Variants in MDN1 observed in about 807,000 individuals in gnomAD.
MDN1 encodes midasin.
Under a neutral mutation model 669.2 loss-of-function variants are expected in MDN1, and 266 were observed. That is an observed-to-expected ratio of 0.40 (90% CI 0.36 to 0.44). The LOEUF is 0.44. Ranked by LOEUF, MDN1 falls within the 20% of genes least tolerant of loss-of-function variation. MDN1 has a pLI of 1.00. For missense variants in MDN1, 5,940 were observed against 6,754.0 expected, an observed-to-expected ratio of 0.88 and a Z score of 4.22; for synonymous variants, 2,385 against 2,457.1, an observed-to-expected ratio of 0.97 and a Z score of 0.87.
At position 89,688,509 on chromosome 6, in the gene MDN1, G is replaced by T; in HGVS notation, c.11259+64C>A. On this transcript the variant is annotated intron_variant, in intron 66 of 101. Coordinates refer to ENST00000369393, the MANE Select transcript of MDN1 (RefSeq NM_014611.3). ...CAAGTGGGTGCCCCCAGGGATAATG[G>T]TGAGGCTGCATCCTCATTGCAGACT... The T allele has an allele frequency of 2.1e-6, 3 of 1,450,580 alleles. No individual in the cohort carries two copies. In the South Asian group the frequency reaches 3.8e-5, roughly 18 times the overall value. 89.9% of individuals were successfully genotyped at this position (1,450,580 alleles called of 1,614,324 possible).
Position 89,741,962 on chromosome 6 carries a change from G to A in MDN1, c.4448+1188C>T, listed in dbSNP as rs1186642293. On this transcript the variant is annotated intron_variant, in intron 31 of 101. Coordinates refer to ENST00000369393, the MANE Select transcript of MDN1 (RefSeq NM_014611.3). ...CTAAAAATACAAAAATTAGCTGGGA[G>A]TGGTGACACATGCCTGTAGTCCCAG... Among the ~76,000 whole-genome samples, 3 of 151,704 alleles carry A rather than the reference G, an allele frequency of 2.0e-5. No individual in the cohort carries two copies. In the East Asian group the frequency reaches 5.9e-4, roughly 30 times the overall value.
intron 66 of MDN1, 145 bp from the exon 67 acceptor site, chr6:89,688,318 G>A: frequency 3.8e-6 from 3 of 781,420 alleles, no homozygotes; most frequent in South Asian, 1.8e-5. Flanking sequence ...CAACATGGCA[G>A]CATTTTATTA....
At chr6:89,648,628 G>A (rs1322272204) in intron 97 of MDN1, among the ~76,000 whole-genome samples, 1 of 151,952 alleles carries the variant, frequency 6.6e-6, no homozygotes, top group East Asian at 1.9e-4. Flanking sequence ...AGCACTTTGG[G>A]AGGCCAAGGA....
In MDN1 at chr6:89,743,690, C is replaced by G. The variant is rs1350602919; in HGVS notation, c.4203G>C (p.Gln1401His). ...TCTGATTTGCCAAGGCTGCAAATAC[C>G]TGACAGATAGTAGTTTTCCCACACC... ...DTGCGKTTIC[Q>H]VFAALANQKL... The change falls in exon 30 of 102, where the codon CAG becomes CAC. Residue 1401 changes from glutamine (Q) to histidine (H), a missense_variant. Gln to His is a conservative substitution (Grantham distance 24). Coordinates refer to ENST00000369393, the MANE Select transcript of MDN1 (RefSeq NM_014611.3). The G allele has an allele frequency of 6.2e-7, 1 of 1,614,080 alleles. No individual in the cohort carries two copies. The highest frequency in any genetic ancestry group is 1.3e-5 in the African/African-American group (1 of 75,030).
At chr6:89,683,530 G>C (rs1460053789) in intron 72 of MDN1, among the ~76,000 whole-genome samples, 200 bp from the exon 73 acceptor site, 1 of 152,050 alleles carries the variant, frequency 6.6e-6, no homozygotes, top group Non-Finnish European at 1.5e-5. Context: ...TTTTCTAGAA[G>C]AGAAACTAAA....
chr6:89,816,401 G>T (rs149614430), intron 1 of MDN1, among the ~76,000 whole-genome samples: 7 of 143,852 alleles, frequency 4.9e-5, no homozygotes, highest in African/African-American at 1.8e-4. Context: ...CTCCATCTCC[G>T]TCTAGGGGCG....
intron 72 of MDN1, 80 bp downstream of exon 72, chr6:89,683,750 AT>A (rs1212686538): frequency 4.0e-6 from 4 of 1,008,884 alleles, no homozygotes; most frequent in Non-Finnish European, 6.2e-6. Context: ...AAGTTAGGTT[AT>A]GGTAACTATG....
intron 37 of MDN1, among the ~76,000 whole-genome samples, chr6:89,725,741 T>TC (rs1491135916): frequency 2.2e-3 from 9 of 4,008 alleles, no homozygotes; most frequent in Admixed American, 0.012. Flanking sequence ...CAGCTAATTC[T>TC]TTTTTTTTTT....
intron 44 of MDN1, among the ~76,000 whole-genome samples, chr6:89,716,135 A>T (rs1201017756): frequency 6.6e-6 from 1 of 152,194 alleles, no homozygotes; most frequent in Non-Finnish European, 1.5e-5. Flanking sequence ...CATTCAGATA[A>T]ATGCTCCGTG....
chr6:89,805,273 G>A (rs1767943056), intron 1 of MDN1, among the ~76,000 whole-genome samples: 1 of 152,096 alleles, frequency 6.6e-6, no homozygotes, highest in Non-Finnish European at 1.5e-5. Context: ...CAGGTGTGGT[G>A]GCTCATGCTT....
rs766450069 is a variant in MDN1 at position 89,670,170 on chromosome 6, A to AT, written c.13956+748dup. 3.2e-3 allele frequency among the ~76,000 whole-genome samples: 75 copies of AT among 23,404 alleles called. 1 individual carries two copies. The highest frequency in any genetic ancestry group is 0.02 in the East Asian group (3 of 150). 15.4% of individuals were successfully genotyped at this position (23,404 alleles called of 152,430 possible). On this transcript the variant is annotated intron_variant, in intron 83 of 101. Transcript: ENST00000369393. ...TATATATATATATATATATATATAT[A>AT]TTTTTTTTTTTTTTTTTTTTGAGAT...
chr6:89,675,104 C>G (rs1006496818), intron 78 of MDN1, among the ~76,000 whole-genome samples: 3 of 152,214 alleles, frequency 2.0e-5, no homozygotes, highest in African/African-American at 7.2e-5. Context: ...GACCATCTCA[C>G]CCTAATACCA....
At chr6:89,772,092 C>G (rs909128811) in intron 14 of MDN1, among the ~76,000 whole-genome samples, 5 of 152,048 alleles carry the variant, frequency 3.3e-5, no homozygotes, top group African/African-American at 1.2e-4. Flanking sequence ...AGCTAGACCT[C>G]GTCTTTACAA....
chr6:89,668,264 C>G, intron 83 of MDN1, 113 bp from the exon 84 acceptor site: 1 of 1,310,630 alleles, frequency 7.6e-7, no homozygotes, highest in East Asian at 2.5e-5. Context: ...CTTTTTCTAG[C>G]TCATTATCTT....
chr6:89,672,091 G>T, intron 82 of MDN1, 109 bp downstream of exon 82: 1 of 1,136,488 alleles, frequency 8.8e-7, no homozygotes, highest in Non-Finnish European at 1.2e-6. Flanking sequence ...AGTGATTTTG[G>T]CACTGAGGCC....
At chr6:89,801,851 AC>A (rs1185699059) in intron 2 of MDN1, among the ~76,000 whole-genome samples, 1 of 151,446 alleles carries the variant, frequency 6.6e-6, no homozygotes, top group African/African-American at 2.4e-5. Context: ...AGTCCCAGCT[AC>A]TCAGGAGGCT....
At chr6:89,652,022 C>T (rs1808909504) in intron 95 of MDN1, among the ~76,000 whole-genome samples, 170 bp downstream of exon 95, 1 of 152,184 alleles carries the variant, frequency 6.6e-6, no homozygotes, top group South Asian at 2.1e-4. Context: ...AGCAAAGCAG[C>T]CAGAAACTGA....
At chr6:89,662,621 T>C (rs186568664) in intron 86 of MDN1, among the ~76,000 whole-genome samples, 171 bp downstream of exon 86, 5 of 152,122 alleles carry the variant, frequency 3.3e-5, no homozygotes, top group Admixed American at 1.3e-4. Context: ...CAAGCTACTC[T>C]TAGCTCTGAA....
chr6:89,763,820 T>C (rs974716664), intron 15 of MDN1, among the ~76,000 whole-genome samples: 1 of 152,110 alleles, frequency 6.6e-6, no homozygotes, highest in African/African-American at 2.4e-5. Context: ...AGAGTCCAGT[T>C]CCAAAGAAAA....
Sources: gnomAD v4.1 joint callset for allele counts (sites outside exome capture counted in the v4.1 genomes callset) on GRCh38, gnomAD v4.1.1 for gene constraint, MANE v1.5 for transcripts, NCBI Gene and HGNC (gene_info 2026-07-23, HGNC 2026-07-21) for gene names.